Variants in PRKG1 observed in about 807,000 individuals in gnomAD.
The protein encoded by PRKG1 is cGMP-dependent protein kinase 1.
A neutral mutation model predicts 88.1 loss-of-function variants in PRKG1; 35 were observed. That is an observed-to-expected ratio of 0.40 (90% CI 0.30 to 0.53). The LOEUF (loss-of-function observed/expected upper bound fraction) is 0.53, where lower values mean the gene tolerates loss of function less well. Ranked by LOEUF, PRKG1 falls within the 20% of genes least tolerant of loss-of-function variation. The pLI, the probability that PRKG1 is intolerant of heterozygous loss-of-function variation, is 0.59. For synonymous variants in PRKG1, 303 were observed against 292.5 expected (o/e 1.04, Z -0.37); for missense variants, 540 against 839.8 (o/e 0.64, Z 4.41).
intron 2 of PRKG1, among the ~76,000 whole-genome samples, chr10:51,335,690 C>T (rs1350530845): frequency 6.6e-6 from 1 of 152,176 alleles, no homozygotes; most frequent in Non-Finnish European, 1.5e-5. Flanking sequence ...TGCCACCACA[C>T]CCTGCTAGTT....
At chr10:51,812,392 T>TGC (rs2132625779) in intron 4 of PRKG1, among the ~76,000 whole-genome samples, 1 of 152,310 alleles carries the variant, frequency 6.6e-6, no homozygotes, top group East Asian at 1.9e-4. Flanking sequence ...AAACACTGGT[T>TGC]GTGCGATGCG....
intron 2 of PRKG1, among the ~76,000 whole-genome samples, chr10:51,182,013 C>A (rs1049947763): frequency 6.6e-6 from 1 of 152,176 alleles, no homozygotes; most frequent in Non-Finnish European, 1.5e-5. Flanking sequence ...TAATTCCAAT[C>A]CACCTTTGTC....
chr10:51,892,259 A>G (rs1841740605), intron 4 of PRKG1, among the ~76,000 whole-genome samples: 1 of 152,188 alleles, frequency 6.6e-6, no homozygotes, highest in Admixed American at 6.5e-5. Context: ...AGACTTTAAT[A>G]AGTCATGTAG....
chr10:51,358,650 T>C (rs1842416073), intron 2 of PRKG1, among the ~76,000 whole-genome samples: 1 of 151,888 alleles, frequency 6.6e-6, no homozygotes, highest in Non-Finnish European at 1.5e-5. Context: ...CTGATAGTCA[T>C]TTTACAGGTT....
chr10:51,804,826 A>G (rs900592040), intron 4 of PRKG1, 136 bp downstream of exon 4: 3 of 607,940 alleles, frequency 4.9e-6, no homozygotes, highest in Non-Finnish European at 8.6e-6. Context: ...GTAGAGATGT[A>G]AGACTTCGAA....
chr10:51,759,708 T>C (rs1837968698), intron 3 of PRKG1, among the ~76,000 whole-genome samples: 1 of 152,170 alleles, frequency 6.6e-6, no homozygotes, highest in Non-Finnish European at 1.5e-5. Flanking sequence ...CCACAGTATG[T>C]AAAGAAGTGG....
chr10:51,324,142 AATT>A (rs963728002), intron 2 of PRKG1, among the ~76,000 whole-genome samples: 1 of 152,124 alleles, frequency 6.6e-6, no homozygotes, highest in Non-Finnish European at 1.5e-5. Flanking sequence ...ATATACAACA[AATT>A]ATTATTAACT....
chr10:51,221,642 T>A (rs1296841097), intron 2 of PRKG1, among the ~76,000 whole-genome samples: 1 of 150,300 alleles, frequency 6.7e-6, no homozygotes, highest in Non-Finnish European at 1.5e-5. Context: ...ATTGGCAAAC[T>A]TTTTTTTTCC....
At chr10:51,898,644 G>A (rs1247457611) in intron 4 of PRKG1, among the ~76,000 whole-genome samples, 1 of 152,070 alleles carries the variant, frequency 6.6e-6, no homozygotes, top group Non-Finnish European at 1.5e-5. Context: ...AAACCAGCCT[G>A]GGCAACATGG....
At chr10:51,974,594 C>A (rs1407665820) in intron 5 of PRKG1, among the ~76,000 whole-genome samples, 1 of 152,110 alleles carries the variant, frequency 6.6e-6, no homozygotes, top group Admixed American at 6.6e-5. Context: ...TTTCATATGT[C>A]CATATGCTTA....
intron 5 of PRKG1, among the ~76,000 whole-genome samples, chr10:51,983,109 C>T (rs1844056188): frequency 6.6e-6 from 1 of 152,114 alleles, no homozygotes; most frequent in Non-Finnish European, 1.5e-5. Context: ...GTCGGCTGTT[C>T]TCTGTGCCTA....
chr10:52,090,894 T>C (rs1847039354), intron 7 of PRKG1, among the ~76,000 whole-genome samples: 1 of 152,256 alleles, frequency 6.6e-6, no homozygotes, highest in Non-Finnish European at 1.5e-5. Flanking sequence ...AATATTAATG[T>C]CAACCTGTGA....
At chr10:51,557,994 T>C (rs1837356086) in intron 3 of PRKG1, among the ~76,000 whole-genome samples, 1 of 152,142 alleles carries the variant, frequency 6.6e-6, no homozygotes, top group South Asian at 2.1e-4. Context: ...TATTGTGTAC[T>C]TTCAAAAATA....
chr10:52,269,792 C>A (rs4935321), intron 10 of PRKG1, among the ~76,000 whole-genome samples: 4,498 of 152,088 alleles, frequency 0.03, 294 homozygotes, highest in East Asian at 0.24. Context: ...AGCTCTATTA[C>A]CTCTCTTGTT....
intron 1 of PRKG1, among the ~76,000 whole-genome samples, chr10:51,040,015 C>T (rs185442409): frequency 1.3e-5 from 2 of 152,194 alleles, no homozygotes; most frequent in African/African-American, 4.8e-5. Flanking sequence ...AATGTTATGC[C>T]TCCAATTTTG....
intron 4 of PRKG1, among the ~76,000 whole-genome samples, chr10:51,878,248 A>ATGTGTGTG (rs1554851728): frequency 5.4e-5 from 3 of 55,572 alleles, no homozygotes; most frequent in African/African-American, 2.3e-4. Flanking sequence ...ATGTGTGAAT[A>ATGTGTGTG]TATGTGTGTG....
chr10:51,132,697 A>G (rs1236560326), intron 1 of PRKG1, among the ~76,000 whole-genome samples: 1 of 147,844 alleles, frequency 6.8e-6, no homozygotes, highest in African/African-American at 2.5e-5. Flanking sequence ...TTTATATATT[A>G]TATATATTAT....
rs199965862 is a variant in PRKG1, at chr10:52,039,165, G to A, written c.763-15319G>A. ...CAAACAGGCTTTGTGTGAGCAACAT[G>A]GCTGTTTATTTCACCCGGGTGCAGG... On this transcript the variant is annotated intron_variant, in intron 5 of 17. Coordinates refer to ENST00000373980, the MANE Select transcript of PRKG1 (RefSeq NM_006258.4). Among the ~76,000 whole-genome samples, 16 of 152,262 alleles carry A rather than the reference G, an allele frequency of 1.1e-4. No homozygotes were observed. In the East Asian group the frequency reaches 2.1e-3, roughly 20 times the overall value.
At chr10:51,146,269 A>T (rs1027246779) in intron 1 of PRKG1, among the ~76,000 whole-genome samples, 10 of 151,550 alleles carry the variant, frequency 6.6e-5, no homozygotes, top group African/African-American at 1.7e-4. Flanking sequence ...TTTTGATAAT[A>T]GTCATTTTAA....
Sources: allele counts gnomAD v4.1 joint callset (sites outside exome capture counted in the v4.1 genomes callset), GRCh38; gene constraint gnomAD v4.1.1; transcripts MANE v1.5; gene names NCBI Gene and HGNC (gene_info 2026-07-23, HGNC 2026-07-21).